Variants in GLIS3 observed in about 807,000 individuals in gnomAD.
The protein encoded by GLIS3 is zinc finger protein GLIS3.
In GLIS3, 53 loss-of-function variants were observed where a neutral mutation model predicts 78.6. That is an observed-to-expected ratio of 0.67 (90% CI 0.54 to 0.85). The LOEUF (loss-of-function observed/expected upper bound fraction) is 0.85, where lower values mean the gene tolerates loss of function less well. Among genes scored for constraint, GLIS3 ranks in the 40% least tolerant of loss-of-function variants. GLIS3 has a pLI of 0.00. For synonymous variants in GLIS3, 684 were observed against 509.9 expected (o/e 1.34, Z -4.60); for missense variants, 1,703 against 1,231.1 (o/e 1.38, Z -5.74).
At chr9:3,887,671 T>C (rs573147562) in intron 7 of GLIS3, among the ~76,000 whole-genome samples, 1 of 152,314 alleles carries the variant, frequency 6.6e-6, no homozygotes, top group South Asian at 2.1e-4. Context: ...GTTTATATGC[T>C]TCTCTGGAGT....
At chr9:4,103,340 C>A (rs1830514422) in intron 4 of GLIS3, among the ~76,000 whole-genome samples, 1 of 152,096 alleles carries the variant, frequency 6.6e-6, no homozygotes. Context: ...ACCTTCCAGC[C>A]AGTAGCCATT....
the GLIS3 span, among the ~76,000 whole-genome samples, chr9:4,360,142 A>G: frequency 6.6e-6 from 1 of 152,144 alleles, no homozygotes; most frequent in Non-Finnish European, 1.5e-5. Flanking sequence ...TATGCAAACC[A>G]TGCTATTTGT....
At chr9:4,476,997 A>G in the GLIS3 span, among the ~76,000 whole-genome samples, 1 of 152,168 alleles carries the variant, frequency 6.6e-6, no homozygotes, top group African/African-American at 2.4e-5. Context: ...TATGGAAAAC[A>G]GTACGGCAGT....
At chr9:4,349,182 C>G (rs1431405396), upstream of GLIS3, among the ~76,000 whole-genome samples, 1 of 152,160 alleles carries the variant, frequency 6.6e-6, no homozygotes, top group Non-Finnish European at 1.5e-5. Flanking sequence ...ACTGAACACC[C>G]CAGTTGATAG....
chr9:4,485,325 T>G, the GLIS3 span, among the ~76,000 whole-genome samples: 37 of 152,124 alleles, frequency 2.4e-4, no homozygotes, highest in African/African-American at 8.0e-4. Flanking sequence ...CTAAGGTTGG[T>G]CTTCTGAGAT....
the GLIS3 span, among the ~76,000 whole-genome samples, chr9:4,473,460 C>CAAAAAAAAAAA: frequency 1.6e-4 from 21 of 131,294 alleles, no homozygotes; most frequent in African/African-American, 5.0e-4. Context: ...ACAACAACAA[C>CAAAAAAAAAAA]AAAAAAAAAG....
intron 2 of GLIS3, among the ~76,000 whole-genome samples, chr9:4,216,129 C>T (rs566739855): frequency 1.8e-4 from 27 of 151,926 alleles, no homozygotes; most frequent in South Asian, 8.4e-4. Flanking sequence ...TAAATAGATG[C>T]CAGGGTAGTT....
At chr9:4,002,715 C>G (rs562000760) in intron 4 of GLIS3, among the ~76,000 whole-genome samples, 15 of 152,230 alleles carry the variant, frequency 9.9e-5, no homozygotes, top group Admixed American at 4.6e-4. Context: ...CTGGGGATGG[C>G]AATATAACCC....
chr9:4,018,053 T>C (rs920623218), intron 4 of GLIS3, among the ~76,000 whole-genome samples: 3 of 152,132 alleles, frequency 2.0e-5, no homozygotes, highest in African/African-American at 7.2e-5. Flanking sequence ...GCTGTGATAA[T>C]CCTCATAAAC....
At chr9:4,477,310 C>G in the GLIS3 span, among the ~76,000 whole-genome samples, 1 of 118,746 alleles carries the variant, frequency 8.4e-6, no homozygotes. Flanking sequence ...TAGCCACTCA[C>G]AAAAGAACAA....
At chr9:4,019,563 G>C (rs767614578) in intron 4 of GLIS3, among the ~76,000 whole-genome samples, 4 of 152,090 alleles carry the variant, frequency 2.6e-5, no homozygotes, top group Non-Finnish European at 5.9e-5. Flanking sequence ...GGAGAGGAAA[G>C]GCAGGGGAAA....
chr9:4,034,022 T>A (rs1401134137), intron 4 of GLIS3, among the ~76,000 whole-genome samples: 1 of 151,704 alleles, frequency 6.6e-6, no homozygotes, highest in African/African-American at 2.4e-5. Flanking sequence ...AGGAATTCAA[T>A]AACAGCCTAG....
intron 2 of GLIS3, among the ~76,000 whole-genome samples, chr9:4,313,541 C>G (rs923259437): frequency 6.6e-5 from 10 of 152,326 alleles, no homozygotes; most frequent in Admixed American, 4.6e-4. Flanking sequence ...ACAAATTTGG[C>G]TGACAGGCAG....
chr9:4,061,111 A>G (rs529601220), intron 4 of GLIS3, among the ~76,000 whole-genome samples: 3 of 151,972 alleles, frequency 2.0e-5, no homozygotes, highest in Non-Finnish European at 4.4e-5. Context: ...ACATGTGCAC[A>G]ACGTGCAGGT....
intron 4 of GLIS3, among the ~76,000 whole-genome samples, chr9:3,948,329 A>C (rs1396001184): frequency 6.6e-6 from 1 of 152,132 alleles, no homozygotes; most frequent in East Asian, 1.9e-4. Context: ...GCTGATGAGG[A>C]AATCTCTCTC....
intron 7 of GLIS3, among the ~76,000 whole-genome samples, chr9:3,886,302 G>A (rs1252040890): frequency 2.0e-5 from 3 of 152,120 alleles, no homozygotes; most frequent in African/African-American, 4.8e-5. Flanking sequence ...GAGTTGCTAT[G>A]AAGTGGGGCC....
chr9:4,033,880 A>C (rs1374428551), intron 4 of GLIS3, among the ~76,000 whole-genome samples: 1 of 150,722 alleles, frequency 6.6e-6, no homozygotes, highest in Non-Finnish European at 1.5e-5. Context: ...AAAAAAAAAA[A>C]AAAAAAAAAA....
chr9:4,178,652 A>G (rs1817011018), intron 2 of GLIS3, among the ~76,000 whole-genome samples: 1 of 152,236 alleles, frequency 6.6e-6, no homozygotes, highest in African/African-American at 2.4e-5. Context: ...TCATAAACAC[A>G]GGAAAATAAA....
chr9:4,218,568 G>A (rs905417243), intron 2 of GLIS3, among the ~76,000 whole-genome samples: 32 of 152,284 alleles, frequency 2.1e-4, no homozygotes, highest in African/African-American at 7.5e-4. Context: ...GTGAGCCACC[G>A]CGCCCGGCCT....
Sources: gnomAD v4.1 joint callset for allele counts (sites outside exome capture counted in the v4.1 genomes callset) on GRCh38, gnomAD v4.1.1 for gene constraint, MANE v1.5 for transcripts, NCBI Gene and HGNC (gene_info 2026-07-23, HGNC 2026-07-21) for gene names.